Variants in MTURN observed in about 807,000 individuals in gnomAD.
The protein encoded by MTURN is maturin, neural progenitor differentiation regulator homolog, also known as maturin.
MTURN carries 7 observed loss-of-function variants against 14.9 expected under a neutral mutation model. The ratio of observed to expected loss-of-function variants is 0.47; its 90% CI spans 0.27 to 0.88. The LOEUF is 0.88. MTURN is among the 40% of genes least tolerant of loss of function. The pLI is 0.14. For synonymous variants in MTURN, 69 were observed against 72.5 expected (o/e 0.95, Z 0.25); for missense variants, 151 against 174.1 (o/e 0.87, Z 0.75).
intron 1 of MTURN, among the ~76,000 whole-genome samples, chr7:30,138,126 T>C (rs1796993904): frequency 6.6e-6 from 1 of 152,184 alleles, no homozygotes; most frequent in African/African-American, 2.4e-5. Flanking sequence ...TTTTTTCTTT[T>C]TCTTTTTTTG....
At chr7:30,152,586 G>A (rs996667789) in intron 2 of MTURN, among the ~76,000 whole-genome samples, 5 of 152,140 alleles carry the variant, frequency 3.3e-5, no homozygotes, top group African/African-American at 1.2e-4. Flanking sequence ...TCCCTGGAAG[G>A]TACATACAAG....
Position 30,154,178 on chromosome 7 carries a change from G to A in MTURN, c.286-3260G>A, listed in dbSNP as rs137874959. Among the ~76,000 whole-genome samples, 712 of 152,304 alleles carry A rather than the reference G, an allele frequency of 4.7e-3. 22 individuals carry two copies. The highest frequency in any genetic ancestry group is 0.043 in the Admixed American group (655 of 15,296). ...GGAGAATCGCCTTACATGCAGTCCA[G>A]TGGCGGCAGGCTGGACAGAAGAACC... On this transcript the variant is annotated intron_variant, in intron 2 of 2. Transcript: ENST00000324453.
At chr7:30,146,413 T>G in intron 2 of MTURN, 114 bp downstream of exon 2, 1 of 1,446,682 alleles carries the variant, frequency 6.9e-7, no homozygotes, top group Non-Finnish European at 9.4e-7. Context: ...TGTTTTTCTC[T>G]TGTCTGTCCT....
chr7:30,162,519 G>C lies in MTURN; in HGVS notation c.*4971G>C, dbSNP rs1248032173. The C allele has an allele frequency of 1.3e-5, 2 of 151,054 alleles. No homozygotes were observed. The highest frequency in any genetic ancestry group is 2.4e-5 in the African/African-American group (1 of 41,018). 9.4% of individuals were successfully genotyped at this position (151,054 alleles called of 1,614,324 possible). A position where few individuals can be genotyped will look rare whatever the true frequency, so the allele number is the denominator to read the frequency against. ...GTTTTTTTTTTTTTTTAGGCAAGAA[G>C]TGTTGCCGGTAGGGTATGTGTGCTT... On this transcript the variant is annotated 3_prime_UTR_variant, in exon 3 of 3. Coordinates refer to ENST00000324453, the MANE Select transcript of MTURN (RefSeq NM_152793.3).
At chr7:30,141,261 A>C (rs928524718) in intron 1 of MTURN, 2 of 152,082 alleles carry the variant, frequency 1.3e-5, no homozygotes, top group African/African-American at 4.8e-5. Context: ...CTAAAACCAC[A>C]AAAATTAGCT....
At chr7:30,144,608 TCTG>T (rs1253814323) in intron 1 of MTURN, among the ~76,000 whole-genome samples, 2 of 152,184 alleles carry the variant, frequency 1.3e-5, no homozygotes, top group African/African-American at 4.8e-5. Context: ...TCTAGAGAAG[TCTG>T]CTGGCATGAG....
At chr7:30,148,955 G>T (rs1797167486) in intron 2 of MTURN, among the ~76,000 whole-genome samples, 1 of 152,128 alleles carries the variant, frequency 6.6e-6, no homozygotes, top group Non-Finnish European at 1.5e-5. Context: ...TTTGCAGCAG[G>T]TTTCCTCACA....
Position 30,158,863 on chromosome 7 carries a change from C to T in MTURN, c.*1315C>T, listed in dbSNP as rs2128034825. 1 of 152,190 alleles carries T rather than the reference C, an allele frequency of 6.6e-6. No individual in the cohort carries two copies. Among genetic ancestry groups the T allele is most frequent in the Admixed American group, 6.5e-5 (1 of 15,302 alleles). The allele number at this position is 152,190 out of a possible 1,614,324, so 9.4% of individuals were successfully genotyped here. ...CTTTACAACACTAGATTAAACCTAG[C>T]ATCTGGGGTGGGTACGTTTAAACAG... On this transcript the variant is annotated 3_prime_UTR_variant, in exon 3 of 3. Transcript: ENST00000324453.
chr7:30,156,823 CA>C (rs556587762), intron 2 of MTURN, among the ~76,000 whole-genome samples: 53 of 139,158 alleles, frequency 3.8e-4, no homozygotes, highest in Admixed American at 7.2e-4. Context: ...GACTCCCTCT[CA>C]AAAAAAAAAA....
At chr7:30,151,032 A>C (rs1487965941) in intron 2 of MTURN, among the ~76,000 whole-genome samples, 1 of 152,236 alleles carries the variant, frequency 6.6e-6, no homozygotes, top group Non-Finnish European at 1.5e-5. Flanking sequence ...TCTGGCTCCT[A>C]ACAGGTATTA....
chr7:30,150,544 C>G (rs188098243), intron 2 of MTURN, among the ~76,000 whole-genome samples: 1 of 152,174 alleles, frequency 6.6e-6, no homozygotes. Flanking sequence ...TTATTTTCTT[C>G]TTTTCCACAT....
chr7:30,140,198 G>A (rs577081441), intron 1 of MTURN, among the ~76,000 whole-genome samples: 5 of 152,266 alleles, frequency 3.3e-5, no homozygotes, highest in Admixed American at 1.3e-4. Flanking sequence ...CCTGATGATT[G>A]TGGGAGAGAG....
rs1342146409 is a variant in MTURN at position 30,154,397 on chromosome 7, T to C, written c.286-3041T>C. ...CCCTGGGATAGGCCATAGGCTCACG[T>C]GTTTCTTATAGATAAGGAGTGACTC... On this transcript the variant is annotated intron_variant, in intron 2 of 2. Transcript: ENST00000324453. 3.3e-5 allele frequency among the ~76,000 whole-genome samples: 5 copies of C among 152,296 alleles called. No homozygotes were observed. In the East Asian group the frequency reaches 9.6e-4, roughly 29 times the overall value.
At chr7:30,156,304 TAAA>T (rs142827079) in intron 2 of MTURN, among the ~76,000 whole-genome samples, 1 of 151,910 alleles carries the variant, frequency 6.6e-6, no homozygotes, top group Non-Finnish European at 1.5e-5. Flanking sequence ...CTCACAATCT[TAAA>T]AAAAACCTTA....
At chr7:30,149,875 C>T (rs1407213830) in intron 2 of MTURN, among the ~76,000 whole-genome samples, 1 of 152,156 alleles carries the variant, frequency 6.6e-6, no homozygotes, top group Non-Finnish European at 1.5e-5. Flanking sequence ...TTAGAGCAGT[C>T]CCCTGCTCTG....
At chr7:30,137,710 G>C (rs1302228381) in intron 1 of MTURN, 1 of 470,984 alleles carries the variant, frequency 2.1e-6, no homozygotes, top group South Asian at 1.5e-5. Context: ...TCAAGCTACT[G>C]TTTGCCTCTA....
chr7:30,143,089 G>C (rs148810555), intron 1 of MTURN, among the ~76,000 whole-genome samples: 2 of 152,146 alleles, frequency 1.3e-5, no homozygotes, highest in African/African-American at 4.8e-5. Context: ...TCTCCACTCC[G>C]CTTGGTTTTG....
At chr7:30,138,541 T>C (rs917757257) in intron 1 of MTURN, among the ~76,000 whole-genome samples, 9 of 152,102 alleles carry the variant, frequency 5.9e-5, no homozygotes, top group African/African-American at 2.2e-4. Context: ...TCATTTTTCA[T>C]CGTGTCTCCT....
At chr7:30,147,765 G>T (rs1797150081) in intron 2 of MTURN, among the ~76,000 whole-genome samples, 1 of 152,112 alleles carries the variant, frequency 6.6e-6, no homozygotes, top group African/African-American at 2.4e-5. Flanking sequence ...AGATTTCAGT[G>T]GCTTTTGTCA....
Sources: gnomAD v4.1 joint callset for allele counts (sites outside exome capture counted in the v4.1 genomes callset) on GRCh38, gnomAD v4.1.1 for gene constraint, MANE v1.5 for transcripts, NCBI Gene and HGNC (gene_info 2026-07-23, HGNC 2026-07-21) for gene names.